Variants in ST6GALNAC3 observed in about 807,000 individuals in gnomAD.
ST6GALNAC3 encodes ST6 N-acetylgalactosaminide alpha-2,6-sialyltransferase 3.
ST6GALNAC3 carries 25 observed loss-of-function variants against 32.7 expected under a neutral mutation model. The ratio of observed to expected loss-of-function variants is 0.76; its 90% confidence interval spans 0.56 to 1.07. The LOEUF is 1.07. Among genes scored for constraint, ST6GALNAC3 ranks in the 50% least tolerant of loss-of-function variants. ST6GALNAC3 has a pLI of 0.00. For missense variants in ST6GALNAC3, 355 were observed against 382.4 expected (o/e 0.93, Z 0.60); for synonymous variants, 129 against 133.1 (o/e 0.97, Z 0.21).
intron 1 of ST6GALNAC3, among the ~76,000 whole-genome samples, chr1:76,228,533 AC>A (rs907540876): frequency 1.3e-5 from 2 of 152,120 alleles, no homozygotes; most frequent in African/African-American, 4.8e-5. Flanking sequence ...TTAATCCACC[AC>A]ATTTCCTTGT....
chr1:76,334,408 C>A (rs1000535073), intron 2 of ST6GALNAC3, among the ~76,000 whole-genome samples: 1 of 152,118 alleles, frequency 6.6e-6, no homozygotes, highest in African/African-American at 2.4e-5. Context: ...ACAAATAGAC[C>A]TTTTGATTTG....
chr1:76,457,379 G>A (rs193019544), intron 3 of ST6GALNAC3, among the ~76,000 whole-genome samples: 7,518 of 151,930 alleles, frequency 0.049, 642 homozygotes, highest in African/African-American at 0.17. Context: ...GAACCAAAAA[G>A]GAGCCCGCAT....
chr1:76,321,167 A>T (rs2100922531), intron 2 of ST6GALNAC3, among the ~76,000 whole-genome samples: 1 of 152,164 alleles, frequency 6.6e-6, no homozygotes, highest in East Asian at 1.9e-4. Context: ...GCCCAAGATG[A>T]GCCATTCTGA....
intron 1 of ST6GALNAC3, among the ~76,000 whole-genome samples, chr1:76,191,236 C>T (rs1252375187): frequency 6.6e-6 from 1 of 151,818 alleles, no homozygotes; most frequent in Non-Finnish European, 1.5e-5. Context: ...AGAAGGAGAC[C>T]TTTGAAGTAA....
At chr1:76,120,224 G>C (rs1428202588) in intron 1 of ST6GALNAC3, among the ~76,000 whole-genome samples, 1 of 152,226 alleles carries the variant, frequency 6.6e-6, no homozygotes, top group African/African-American at 2.4e-5. Context: ...GGGAACAGTG[G>C]CAGTTCCTGA....
At chr1:76,333,136 T>A (rs1160465169) in intron 2 of ST6GALNAC3, among the ~76,000 whole-genome samples, 1 of 152,182 alleles carries the variant, frequency 6.6e-6, no homozygotes, top group Admixed American at 6.5e-5. Context: ...TAAATTTCAA[T>A]AAAGTATTTA....
At chr1:76,494,468 T>TATACAC (rs1472545640) in intron 3 of ST6GALNAC3, among the ~76,000 whole-genome samples, 2,620 of 59,434 alleles carry the variant, frequency 0.044, 423 homozygotes, top group Non-Finnish European at 0.056. Context: ...TATATATATA[T>TATACAC]ACACACACAC....
chr1:76,092,290 T>A (rs1363327230), intron 1 of ST6GALNAC3, among the ~76,000 whole-genome samples: 3 of 152,256 alleles, frequency 2.0e-5, no homozygotes, highest in African/African-American at 7.2e-5. Flanking sequence ...GCATCAGTCT[T>A]TTGTAAACTC....
At chr1:76,511,977 T>G (rs1661889542) in intron 3 of ST6GALNAC3, among the ~76,000 whole-genome samples, 1 of 152,208 alleles carries the variant, frequency 6.6e-6, no homozygotes, top group Admixed American at 6.5e-5. Context: ...TGGACCTCTG[T>G]GTGTCATGTG....
At chr1:76,486,070 T>C (rs547686781) in intron 3 of ST6GALNAC3, among the ~76,000 whole-genome samples, 4 of 152,350 alleles carry the variant, frequency 2.6e-5, no homozygotes, top group Non-Finnish European at 4.4e-5. Context: ...CTGGTTTGAT[T>C]GCACTGTGAT....
At chr1:76,294,796 A>G (rs1393520094) in intron 1 of ST6GALNAC3, among the ~76,000 whole-genome samples, 1 of 152,144 alleles carries the variant, frequency 6.6e-6, no homozygotes, top group Non-Finnish European at 1.5e-5. Flanking sequence ...GTTTAGGCAT[A>G]TAATTTATGT....
At chr1:76,536,939 A>C (rs1275137874) in intron 3 of ST6GALNAC3, among the ~76,000 whole-genome samples, 1 of 152,154 alleles carries the variant, frequency 6.6e-6, no homozygotes, top group Non-Finnish European at 1.5e-5. Flanking sequence ...CGAGTCAGAA[A>C]ATTAACAAGG....
At chr1:76,307,812 A>C (rs2100872366) in intron 1 of ST6GALNAC3, 1 of 426,320 alleles carries the variant, frequency 2.3e-6, no homozygotes, top group Middle Eastern at 3.6e-4. Flanking sequence ...TATAGATTGC[A>C]AATTTGCTAG....
At chr1:76,188,111 C>T (rs1337998949) in intron 1 of ST6GALNAC3, among the ~76,000 whole-genome samples, 1 of 152,116 alleles carries the variant, frequency 6.6e-6, no homozygotes, top group African/African-American at 2.4e-5. Flanking sequence ...CGCCTGTAAG[C>T]CCAGCACTTT....
chr1:76,545,743 G>A (rs972545451), intron 3 of ST6GALNAC3, among the ~76,000 whole-genome samples: 28 of 150,638 alleles, frequency 1.9e-4, no homozygotes, highest in African/African-American at 6.1e-4. Context: ...CACAGCCTCC[G>A]CCTCTCAGGT....
At position 76,444,784 on chromosome 1, in the gene ST6GALNAC3, A is replaced by AT. The variant is rs1291060014; in HGVS notation, c.623+32369dup. 2.1e-4 allele frequency among the ~76,000 whole-genome samples: 32 copies of AT among 152,232 alleles called. 1 individual carries two copies. In the Middle Eastern group the frequency reaches 0.027, roughly 129 times the overall value. ...ACCCTCTCTGCTCTCTTGTAGCCAG[A>AT]TTGCAACTGTATGTCCTCTCCTTGT... On this transcript the variant is annotated intron_variant, in intron 3 of 4. Transcript: ENST00000328299.
chr1:76,511,338 C>T (rs1661845445), intron 3 of ST6GALNAC3, among the ~76,000 whole-genome samples: 1 of 152,200 alleles, frequency 6.6e-6, no homozygotes, highest in South Asian at 2.1e-4. Flanking sequence ...CCACTCTCAT[C>T]AGTTACAATC....
chr1:76,587,555 C>T (rs1646981397), intron 3 of ST6GALNAC3, among the ~76,000 whole-genome samples: 1 of 152,174 alleles, frequency 6.6e-6, no homozygotes, highest in Non-Finnish European at 1.5e-5. Flanking sequence ...GAATCAGGTC[C>T]AAATCCCACT....
At chr1:76,424,344 A>G (rs1224735450) in intron 3 of ST6GALNAC3, among the ~76,000 whole-genome samples, 2 of 151,828 alleles carry the variant, frequency 1.3e-5, no homozygotes, top group Admixed American at 1.3e-4. Context: ...AGATACATAA[A>G]ATGTGTTAAG....
Sources: allele counts gnomAD v4.1 joint callset (sites outside exome capture counted in the v4.1 genomes callset), GRCh38; gene constraint gnomAD v4.1.1; transcripts MANE v1.5; gene names NCBI Gene and HGNC (gene_info 2026-07-23, HGNC 2026-07-21).